The following ZDHHC18 variants were observed in gnomAD, a reference collection of about 807,000 sequenced individuals.
The protein encoded by ZDHHC18 is zDHHC palmitoyltransferase 18.
A neutral mutation model predicts 37.5 loss-of-function variants in ZDHHC18; 23 were observed. The observed-to-expected ratio is 0.61, with a 90% CI of 0.44 to 0.87. The LOEUF (loss-of-function observed/expected upper bound fraction) is 0.87, where lower values mean the gene tolerates loss of function less well. Among genes scored for constraint, ZDHHC18 ranks in the 40% least tolerant of loss-of-function variants. ZDHHC18 has a pLI of 0.00. For missense variants in ZDHHC18, 406 were observed against 525.6 expected (o/e 0.77, Z 2.22); for synonymous variants, 185 against 218.7 (o/e 0.85, Z 1.36).
chr1:26,848,756 G>C lies in ZDHHC18; in HGVS notation c.645G>C (p.Val215=). Residue 215 remains valine, a splice_region_variant and synonymous_variant, in exon 3 of 8, where the codon GTG becomes GTC. Coordinates refer to ENST00000374142, the MANE Select transcript of ZDHHC18 (RefSeq NM_032283.3). Reference sequence around the variant, plus strand: ...ACTGCAGTGTCTGCGACAACTGTGTGGGTGAGTAGGAGGCAGCAGGGAGGG... The same window carrying C: ...ACTGCAGTGTCTGCGACAACTGTGTCGGTGAGTAGGAGGCAGCAGGGAGGG... ...TSHCSVCDNC[V]ERFDHHCPWV... 3.1e-6 allele frequency: 5 copies of C among 1,608,696 alleles called. No individual in the cohort carries two copies. The highest frequency in any genetic ancestry group is 4.3e-6 in the Non-Finnish European group (5 of 1,175,390).
At chr1:26,829,665 A>G (rs1168140021) in intron 1 of ZDHHC18, among the ~76,000 whole-genome samples, 1 of 152,154 alleles carries the variant, frequency 6.6e-6, no homozygotes, top group African/African-American at 2.4e-5. Context: ...CCTCTGTTGC[A>G]CCCTTAGTGC....
In ZDHHC18 at chr1:26,855,543, A is replaced by C. The variant is rs540386303; in HGVS notation, c.*1700A>C. The C allele has an allele frequency of 6.5e-6, 1 of 152,732 alleles. No individual in the cohort carries two copies. The highest frequency in any genetic ancestry group is 2.4e-5 in the African/African-American group (1 of 41,446). 9.5% of individuals were successfully genotyped at this position (152,732 alleles called of 1,614,324 possible). A position where few individuals can be genotyped will look rare whatever the true frequency, so the allele number is the denominator to read the frequency against. ...TCACAGACAGCTGGGAATGGCAGCCACAGAGGGTCCCCTCTGGGAGAAACA... is the reference window on the plus strand; with the variant it reads ...TCACAGACAGCTGGGAATGGCAGCCCCAGAGGGTCCCCTCTGGGAGAAACA... On this transcript the variant is annotated 3_prime_UTR_variant, in exon 8 of 8. Coordinates refer to ENST00000374142, the MANE Select transcript of ZDHHC18 (RefSeq NM_032283.3).
At chr1:26,838,752 T>G (rs746995734) in intron 2 of ZDHHC18, among the ~76,000 whole-genome samples, 4 of 152,222 alleles carry the variant, frequency 2.6e-5, no homozygotes, top group South Asian at 2.1e-4. Flanking sequence ...CACTGCCTTG[T>G]AGGAGGACTC....
chr1:26,837,940 G>A lies in ZDHHC18; in HGVS notation c.496+5333G>A, dbSNP rs563314615. ...GCTTGTGCTGTCCCCGCCTGCCGTG[G>A]TGAGCCAGAGTGCTCATTCTTTCTG... On this transcript the variant is annotated intron_variant, in intron 2 of 7. Transcript: ENST00000374142. Among the ~76,000 whole-genome samples, 540 of 152,090 alleles carry A rather than the reference G, an allele frequency of 3.6e-3. 1 individual carries two copies. The highest frequency in any genetic ancestry group is 0.012 in the African/African-American group (512 of 41,494).
chr1:26,828,998 G>A lies in ZDHHC18; in HGVS notation c.335+1859G>A, dbSNP rs531963941. 2.6e-4 allele frequency among the ~76,000 whole-genome samples: 40 copies of A among 152,242 alleles called. No individual in the cohort carries two copies. In the South Asian group the frequency reaches 7.9e-3, roughly 30 times the overall value. On this transcript the variant is annotated intron_variant, in intron 1 of 7. Transcript: ENST00000374142. ...GCAGGACCTTCTCTGGGTTGACCGG[G>A]TATCTTCACTGGTGACTGTTTTGTC... is the stretch of plus-strand genomic sequence containing the variant.
At chr1:26,832,361 A>C (rs2081591875) in intron 1 of ZDHHC18, 86 bp from the exon 2 acceptor site, 6 of 1,540,308 alleles carry the variant, frequency 3.9e-6, no homozygotes, top group Non-Finnish European at 5.3e-6. Flanking sequence ...TGGTTGTTGG[A>C]ATGACAGCGC....
rs755653373 is a variant in ZDHHC18 at position 26,850,537 on chromosome 1, C to G, written c.785-21C>G. On this transcript the variant is annotated intron_variant, in intron 4 of 7. Coordinates refer to ENST00000374142, the MANE Select transcript of ZDHHC18 (RefSeq NM_032283.3). This position sits in a 1 kb window ranked among gnomAD's most constrained non-coding sequence, Gnocchi z 6.1. ...GTCACTGTCCCTCTGAGCTTGTCCTCTCCTGTTTCTTTCTCCCCAGGCGCT... is the reference window on the plus strand; with the variant it reads ...GTCACTGTCCCTCTGAGCTTGTCCTGTCCTGTTTCTTTCTCCCCAGGCGCT... The G allele has an allele frequency of 6.2e-7, 1 of 1,614,228 alleles. No homozygotes were observed. Among genetic ancestry groups the G allele is most frequent in the African/African-American group, 1.3e-5 (1 of 75,058 alleles).
At chr1:26,832,717 G>C in intron 2 of ZDHHC18, 110 bp downstream of exon 2, 2 of 1,368,920 alleles carry the variant, frequency 1.5e-6, no homozygotes, top group South Asian at 2.8e-5. Flanking sequence ...TGGGGATGCA[G>C]TCGTGAGCAA....
At chr1:26,827,745 A>G (rs548275768) in intron 1 of ZDHHC18, among the ~76,000 whole-genome samples, 3 of 152,126 alleles carry the variant, frequency 2.0e-5, no homozygotes, top group Non-Finnish European at 4.4e-5. Context: ...TCAGCCACGC[A>G]CACCCTAGGC....
At position 26,827,055 on chromosome 1, in the gene ZDHHC18, G is replaced by A; in HGVS notation, c.251G>A (p.Arg84His). 2 of 1,365,410 alleles carry A rather than the reference G, an allele frequency of 1.5e-6. No individual in the cohort carries two copies. The highest frequency in any genetic ancestry group is 9.4e-7 in the Non-Finnish European group (1 of 1,060,688). 84.6% of individuals were successfully genotyped at this position (1,365,410 alleles called of 1,614,324 possible). A position where few individuals can be genotyped will look rare whatever the true frequency, so the allele number is the denominator to read the frequency against. ...PGRNRFYCGG[R>H]LMLAGHGGVF... is the part of the protein sequence containing the mutation. The stretch of plus-strand genomic sequence containing the variant: ...CGCAATCGCTTCTACTGCGGCGGCC[G>A]CCTCATGCTGGCCGGCCACGGCGGC... The change falls in exon 1 of 8, where the codon CGC becomes CAC. Residue 84 changes from arginine to histidine, a missense_variant. Transcript: ENST00000374142.
chr1:26,845,724 T>C (rs1298916737), intron 2 of ZDHHC18, among the ~76,000 whole-genome samples: 1 of 152,148 alleles, frequency 6.6e-6, no homozygotes, highest in Non-Finnish European at 1.5e-5. Flanking sequence ...TTTGATATAA[T>C]GCAGTTTATC....
At chr1:26,827,858 C>G (rs1320420499) in intron 1 of ZDHHC18, among the ~76,000 whole-genome samples, 2 of 152,132 alleles carry the variant, frequency 1.3e-5, no homozygotes, top group African/African-American at 4.8e-5. Flanking sequence ...CCCTCAGATC[C>G]CGCCCGCCTC....
chr1:26,847,045 G>A (rs1343282307), intron 2 of ZDHHC18, among the ~76,000 whole-genome samples: 4 of 151,788 alleles, frequency 2.6e-5, no homozygotes, highest in African/African-American at 9.7e-5. Flanking sequence ...ACAGGCACAC[G>A]CCACCACAAC....
At chr1:26,846,310 ATTTTTTTTTTTTTTTTTT>A (rs56921528) in intron 2 of ZDHHC18, among the ~76,000 whole-genome samples, 2 of 43,628 alleles carry the variant, frequency 4.6e-5, no homozygotes, top group South Asian at 2.3e-3. Context: ...ATATATATAT[ATTTTTTTTTTTTTTTTTT>A]TTTTTTTTTT....
chr1:26,833,772 C>A (rs904520172), intron 2 of ZDHHC18, among the ~76,000 whole-genome samples: 1 of 152,066 alleles, frequency 6.6e-6, no homozygotes. Flanking sequence ...GGTGTTCACA[C>A]AGGCTTTTAA....
intron 2 of ZDHHC18, among the ~76,000 whole-genome samples, chr1:26,847,839 AC>A (rs2081679594): frequency 6.6e-6 from 1 of 151,938 alleles, no homozygotes; most frequent in African/African-American, 2.4e-5. Flanking sequence ...GAGCTACTGC[AC>A]CCGACCTCCT....
chr1:26,845,603 G>A (rs1456455747), intron 2 of ZDHHC18, among the ~76,000 whole-genome samples: 1 of 151,328 alleles, frequency 6.6e-6, no homozygotes, highest in African/African-American at 2.4e-5. Context: ...AAATTGCTGG[G>A]ATTACAGGCT....
chr1:26,853,197 A>C, intron 7 of ZDHHC18: 1 of 269,562 alleles, frequency 3.7e-6, no homozygotes, highest in South Asian at 4.8e-5. Flanking sequence ...CTGGGTGGCG[A>C]CTCCATCCTC....
intron 1 of ZDHHC18, chr1:26,832,047 G>A (rs2081590597): frequency 6.1e-6 from 1 of 163,078 alleles, no homozygotes; most frequent in Non-Finnish European, 1.3e-5. Flanking sequence ...CCACAGAGAA[G>A]ACCTCAGTAA....
Sources: allele counts gnomAD v4.1 joint callset (sites outside exome capture counted in the v4.1 genomes callset), GRCh38; gene constraint gnomAD v4.1.1; non-coding constraint Gnocchi (gnomAD v3.1); transcripts MANE v1.5; gene names NCBI Gene and HGNC (gene_info 2026-07-23, HGNC 2026-07-21).